FAM3C: variants seen among roughly 807,000 people sequenced by gnomAD.
FAM3C encodes FAM3 metabolism regulating signaling molecule C, also known as protein FAM3C.
Under a neutral mutation model 32.5 loss-of-function variants are expected in FAM3C, and 15 were observed. The ratio of observed to expected loss-of-function variants is 0.46; its 90% confidence interval spans 0.31 to 0.71. The LOEUF (loss-of-function observed/expected upper bound fraction) is 0.71, where lower values mean the gene tolerates loss of function less well. FAM3C is among the 30% of genes least tolerant of loss of function. The pLI, the probability that FAM3C is intolerant of heterozygous loss-of-function variation, is 0.05. For missense variants in FAM3C, 175 were observed against 274.4 expected, an observed-to-expected ratio of 0.64 and a Z score of 2.56; for synonymous variants, 75 against 86.1, an observed-to-expected ratio of 0.87 and a Z score of 0.72.
chr7:121,392,410 C>G (rs1436963571), intron 1 of FAM3C, among the ~76,000 whole-genome samples: 1 of 152,060 alleles, frequency 6.6e-6, no homozygotes, highest in African/African-American at 2.4e-5. Context: ...GGAAAAACTT[C>G]CATTTGTAAA....
intron 5 of FAM3C, 32 bp downstream of exon 5, chr7:121,371,268 C>A: frequency 1.2e-6 from 2 of 1,608,412 alleles, no homozygotes; most frequent in Non-Finnish European, 8.5e-7. Context: ...TTTAATAGCA[C>A]ACCTTATCGT....
At chr7:121,368,955 T>A (rs1794082558) in intron 5 of FAM3C, among the ~76,000 whole-genome samples, 1 of 146,496 alleles carries the variant, frequency 6.8e-6, no homozygotes, top group African/African-American at 2.6e-5. Context: ...GTTTGTTCAT[T>A]TTTTGTTGTT....
intron 5 of FAM3C, among the ~76,000 whole-genome samples, chr7:121,369,051 C>T (rs1794088087): frequency 6.7e-6 from 1 of 150,322 alleles, no homozygotes. Flanking sequence ...GCGATCTTGG[C>T]CCACTGCAAC....
At chr7:121,391,239 TCA>T (rs1562894982) in intron 1 of FAM3C, among the ~76,000 whole-genome samples, 1 of 152,152 alleles carries the variant, frequency 6.6e-6, no homozygotes, top group African/African-American at 2.4e-5. Context: ...AAAATGACAT[TCA>T]GTTTTGCCTG....
chr7:121,387,308 A>G lies in FAM3C; in HGVS notation c.-41-4298T>C, dbSNP rs537735418. Among the ~76,000 whole-genome samples the G allele has an allele frequency of 1.1e-4, 16 of 152,286 alleles. No individual in the cohort carries two copies. In the South Asian group the frequency reaches 3.1e-3, roughly 30 times the overall value. On this transcript the variant is annotated intron_variant, in intron 1 of 9. Transcript: ENST00000359943. ...CCCTAATAAAAAGAAATAAAAATAT[A>G]AAATTTAAAAATAAAGGAATAAACA...
At chr7:121,379,962 C>T (rs1369969816) in intron 2 of FAM3C, among the ~76,000 whole-genome samples, 1 of 152,198 alleles carries the variant, frequency 6.6e-6, no homozygotes, top group Non-Finnish European at 1.5e-5. Context: ...ACCTTGTCCC[C>T]TCCAAAATCT....
chr7:121,361,217 T>C (rs980226128), intron 7 of FAM3C, among the ~76,000 whole-genome samples: 3 of 152,220 alleles, frequency 2.0e-5, no homozygotes, highest in Admixed American at 6.5e-5. Context: ...CTCTTTACAA[T>C]GTCTGGGTTC....
At chr7:121,372,969 A>AGTATTTTAAGTACTT (rs1794177137) in intron 3 of FAM3C, among the ~76,000 whole-genome samples, 1 of 152,194 alleles carries the variant, frequency 6.6e-6, no homozygotes, top group African/African-American at 2.4e-5. Context: ...GAAATGTTTA[A>AGTATTTTAAGTACTT]AAAGAGGAAA....
chr7:121,383,269 T>C (rs1264128867), intron 1 of FAM3C, among the ~76,000 whole-genome samples: 1 of 152,174 alleles, frequency 6.6e-6, no homozygotes. Flanking sequence ...AGCTTGTGAA[T>C]AGAAGAGAAT....
At chr7:121,384,697 T>C (rs908966062) in intron 1 of FAM3C, among the ~76,000 whole-genome samples, 4 of 152,204 alleles carry the variant, frequency 2.6e-5, no homozygotes, top group Admixed American at 6.5e-5. Context: ...GCAATGATGA[T>C]TGTCTAGCTG....
intron 1 of FAM3C, among the ~76,000 whole-genome samples, chr7:121,389,543 T>C (rs1426667760): frequency 6.6e-6 from 1 of 152,140 alleles, no homozygotes; most frequent in Non-Finnish European, 1.5e-5. Flanking sequence ...TGTTCTAACC[T>C]ACAGATAAGC....
At chr7:121,391,965 C>CA (rs1182976850) in intron 1 of FAM3C, among the ~76,000 whole-genome samples, 1 of 152,166 alleles carries the variant, frequency 6.6e-6, no homozygotes, top group African/African-American at 2.4e-5. Flanking sequence ...CAGAAACATC[C>CA]AACAAACTTC....
At chr7:121,372,563 C>A (rs929732828) in intron 3 of FAM3C, among the ~76,000 whole-genome samples, 1 of 152,070 alleles carries the variant, frequency 6.6e-6, no homozygotes, top group Non-Finnish European at 1.5e-5. Flanking sequence ...ATGAATCTAT[C>A]TTAGTGGTGA....
At chr7:121,351,837 C>CTAAA (rs1474480200) in intron 8 of FAM3C, among the ~76,000 whole-genome samples, 1 of 152,134 alleles carries the variant, frequency 6.6e-6, no homozygotes, top group African/African-American at 2.4e-5. Context: ...CACACAGCAG[C>CTAAA]TAAATGCCTA....
At chr7:121,355,312 C>T (rs1793784898) in intron 8 of FAM3C, among the ~76,000 whole-genome samples, 2 of 152,156 alleles carry the variant, frequency 1.3e-5, no homozygotes, top group Admixed American at 1.3e-4. Context: ...AAATAATCAT[C>T]AAGGTAGTGT....
intron 9 of FAM3C, 133 bp from the exon 10 acceptor site, chr7:121,350,683 T>C: frequency 9.8e-6 from 9 of 917,088 alleles, no homozygotes; most frequent in South Asian, 1.6e-5. Context: ...CTGGTCAAGA[T>C]ATTAAATGAG....
At chr7:121,355,357 T>C (rs1303342881) in intron 8 of FAM3C, among the ~76,000 whole-genome samples, 1 of 152,196 alleles carries the variant, frequency 6.6e-6, no homozygotes, top group Non-Finnish European at 1.5e-5. Context: ...AAATGGGAGA[T>C]GCTAAGACAT....
chr7:121,375,426 G>T (rs988763947), intron 3 of FAM3C, among the ~76,000 whole-genome samples: 5 of 152,160 alleles, frequency 3.3e-5, no homozygotes, highest in African/African-American at 1.2e-4. Context: ...GGCAGGCTGG[G>T]GGATTTGGGT....
rs968835457 is a variant in FAM3C, at chr7:121,350,344, C to T, written c.*117G>A. On this transcript the variant is annotated 3_prime_UTR_variant, in exon 10 of 10. Coordinates refer to ENST00000359943, the MANE Select transcript of FAM3C (RefSeq NM_014888.3). ...AATCCTGATATCAAAAGAGACAATA[C>T]TCATGCACACACCAAGATGGCTGCA... is the stretch of plus-strand genomic sequence containing the variant. The T allele has an allele frequency of 3.2e-5, 35 of 1,090,382 alleles. No homozygotes were observed. The highest frequency in any genetic ancestry group is 7.8e-5 in the Admixed American group (4 of 51,308). The allele number at this position is 1,090,382 out of a possible 1,614,324, so 67.5% of individuals were successfully genotyped here.
Sources: gnomAD v4.1 joint callset for allele counts (sites outside exome capture counted in the v4.1 genomes callset) on GRCh38, gnomAD v4.1.1 for gene constraint, MANE v1.5 for transcripts, NCBI Gene and HGNC (gene_info 2026-07-23, HGNC 2026-07-21) for gene names.